Variants in PIK3C2A observed in about 807,000 individuals in gnomAD.
PIK3C2A encodes phosphatidylinositol 4-phosphate 3-kinase C2 domain-containing subunit alpha.
A neutral mutation model predicts 204.5 loss-of-function variants in PIK3C2A; 97 were observed. The observed-to-expected ratio is 0.47, with a 90% confidence interval of 0.40 to 0.56. The LOEUF is 0.56. Among genes scored for constraint, PIK3C2A ranks in the 20% least tolerant of loss-of-function variants. The pLI, the probability that PIK3C2A is intolerant of heterozygous loss-of-function variation, is 0.00. For missense variants in PIK3C2A, 1,735 were observed against 1,969.2 expected (o/e 0.88, Z 2.25); for synonymous variants, 653 against 664.4 (o/e 0.98, Z 0.26).
chr11:17,153,048 A>C (rs1250766044), intron 3 of PIK3C2A, among the ~76,000 whole-genome samples: 1 of 152,138 alleles, frequency 6.6e-6, no homozygotes, highest in Non-Finnish European at 1.5e-5. Context: ...AGCTATTCAG[A>C]AAGACAGGTG....
chr11:17,193,863 A>AGG lies in PIK3C2A; in HGVS notation c.-66+13984_-66+13985insCC, dbSNP rs1304719084. 1.2e-4 allele frequency: 11 copies of AGG among 88,386 alleles called. 4 individuals carry two copies. The highest frequency in any genetic ancestry group is 6.9e-4 in the African/African-American group (10 of 14,498). The allele number at this position is 88,386 out of a possible 1,614,324, so 5.5% of individuals were successfully genotyped here. On this transcript the variant is annotated intron_variant, in intron 1 of 32. Coordinates refer to ENST00000691414, the MANE Select transcript of PIK3C2A (RefSeq NM_002645.4). ...CTGTCTCAAAAAAAGAAAAGAAAAGAAAAGAAAAGAAAAGAAAAGAAAAGA... is the reference window on the plus strand; with the variant it reads ...CTGTCTCAAAAAAAGAAAAGAAAAGAGGAAAGAAAAGAAAAGAAAAGAAAAGA...
chr11:17,167,777 G>A (rs1320609889), intron 2 of PIK3C2A, among the ~76,000 whole-genome samples: 2 of 152,070 alleles, frequency 1.3e-5, no homozygotes, highest in Non-Finnish European at 1.5e-5. Context: ...ATTAATTCAC[G>A]TTAAAGTGAG....
chr11:17,137,059 C>G (rs1478655136), intron 8 of PIK3C2A, among the ~76,000 whole-genome samples: 1 of 152,056 alleles, frequency 6.6e-6, no homozygotes, highest in Non-Finnish European at 1.5e-5. Context: ...CAACATTTAC[C>G]GGAGAAGTAC....
intron 15 of PIK3C2A, among the ~76,000 whole-genome samples, chr11:17,121,184 C>G (rs1035439939): frequency 1.3e-4 from 20 of 152,162 alleles, no homozygotes; most frequent in African/African-American, 4.8e-4. Flanking sequence ...GTGATGAGAT[C>G]ATAGATCACT....
intron 2 of PIK3C2A, among the ~76,000 whole-genome samples, chr11:17,156,468 CTT>C (rs1382305609): frequency 6.6e-6 from 1 of 152,130 alleles, no homozygotes; most frequent in African/African-American, 2.4e-5. Flanking sequence ...CTCACTGCAG[CTT>C]TGACCTCCTG....
intron 13 of PIK3C2A, among the ~76,000 whole-genome samples, chr11:17,124,407 G>A (rs1430489345): frequency 1.3e-5 from 2 of 150,832 alleles, no homozygotes; most frequent in East Asian, 1.9e-4. Context: ...AAAACAGTTG[G>A]TTTGCTTAAA....
intron 1 of PIK3C2A, chr11:17,193,475 C>A: frequency 2.3e-6 from 1 of 434,006 alleles, no homozygotes; most frequent in South Asian, 1.6e-5. Context: ...GGAGCCATGG[C>A]TTAGGGTGCA....
chr11:17,165,782 GAAAAAAA>G (rs35384397), intron 2 of PIK3C2A, among the ~76,000 whole-genome samples: 1 of 78,854 alleles, frequency 1.3e-5, no homozygotes, highest in Admixed American at 1.4e-4. Context: ...TCAAAAAAGT[GAAAAAAA>G]AAAAAAAAAA....
At chr11:17,110,776 T>C (rs1848977858) in intron 21 of PIK3C2A, among the ~76,000 whole-genome samples, 1 of 152,092 alleles carries the variant, frequency 6.6e-6, no homozygotes, top group South Asian at 2.1e-4. Context: ...ACCTATAAAA[T>C]GAACTGCCTT....
Position 17,107,632 on chromosome 11 carries a change from CCTA to C in PIK3C2A, c.3545-2330_3545-2328del, listed in dbSNP as rs543842270. 7.0e-4 allele frequency among the ~76,000 whole-genome samples: 106 copies of C among 152,228 alleles called. 4 individuals carry two copies. The South Asian group carries it at 0.021, about 30-fold the overall frequency. ...ATTCTACTATATGCTATCTGGATAT[CCTA>C]CTATGTGCAAATATTATTTATACAA... On this transcript the variant is annotated intron_variant, in intron 22 of 32. Coordinates refer to ENST00000691414, the MANE Select transcript of PIK3C2A (RefSeq NM_002645.4).
At chr11:17,183,211 T>C (rs1851625639) in intron 1 of PIK3C2A, among the ~76,000 whole-genome samples, 1 of 152,222 alleles carries the variant, frequency 6.6e-6, no homozygotes, top group Admixed American at 6.5e-5. Context: ...TATCCACAGT[T>C]TCTCTTTCCA....
At chr11:17,160,146 T>C (rs214905) in intron 2 of PIK3C2A, among the ~76,000 whole-genome samples, 8,955 of 152,280 alleles carry the variant, frequency 0.059, 349 homozygotes, top group African/African-American at 0.1. Context: ...ATCTCGAGCA[T>C]AGACAGCCAA....
chr11:17,145,586 T>C, intron 8 of PIK3C2A, 82 bp downstream of exon 8: 1 of 791,538 alleles, frequency 1.3e-6, no homozygotes, highest in Non-Finnish European at 2.2e-6. Flanking sequence ...AAATATTTAA[T>C]CCAATGCCAA....
intron 1 of PIK3C2A, among the ~76,000 whole-genome samples, chr11:17,180,166 T>C (rs549911631): frequency 4.7e-4 from 72 of 152,126 alleles, no homozygotes; most frequent in African/African-American, 1.7e-3. Flanking sequence ...AAAATAAAAA[T>C]AACTGAACCA....
At chr11:17,139,314 G>A (rs1354216871) in intron 8 of PIK3C2A, among the ~76,000 whole-genome samples, 3 of 151,310 alleles carry the variant, frequency 2.0e-5, no homozygotes, top group Non-Finnish European at 2.9e-5. Context: ...TGCAACCTTC[G>A]CCTCCTGGGT....
intron 11 of PIK3C2A, among the ~76,000 whole-genome samples, chr11:17,133,229 G>A (rs559760321): frequency 6.6e-6 from 1 of 151,960 alleles, no homozygotes; most frequent in African/African-American, 2.4e-5. Context: ...CCTCATTAGT[G>A]TCCCTATGTA....
rs151278395 is a variant in PIK3C2A at position 17,089,912 on chromosome 11, G to A, written c.4887C>T (p.Tyr1629=). Residue 1629 remains tyrosine, a synonymous_variant, in exon 33 of 33, where the codon TAC becomes TAT. Transcript: ENST00000691414. ...RNPTFNEMLV[Y]SGYSKETLRQ... ...TTAGGGTTTCTTTGCTATATCCACT[G>A]TATACAAGCTACAACAAAGGAAAAA... is the stretch of plus-strand genomic sequence containing the variant. 6 of 1,584,574 alleles carry A rather than the reference G, an allele frequency of 3.8e-6. No homozygotes were observed. In the African/African-American group the frequency reaches 6.8e-5, roughly 18 times the overall value.
intron 13 of PIK3C2A, among the ~76,000 whole-genome samples, chr11:17,123,341 T>G (rs2137353062): frequency 6.6e-6 from 1 of 151,912 alleles, no homozygotes; most frequent in Non-Finnish European, 1.5e-5. Context: ...TTGACCTCCC[T>G]GGGCTCAGAT....
rs1851207349 is a variant in PIK3C2A, at chr11:17,172,441, TC to T, written c.-65-2636del. On this transcript the variant is annotated intron_variant, in intron 1 of 32. Transcript: ENST00000691414. ...ACCATCTTAGACCATCCATCCACACTCCAGATGACCACAACTCCATGAGTGA... is the reference window on the plus strand; with the variant it reads ...ACCATCTTAGACCATCCATCCACACTCAGATGACCACAACTCCATGAGTGA... Among the ~76,000 whole-genome samples, 9 of 152,160 alleles carry T rather than the reference TC, an allele frequency of 5.9e-5. No individual in the cohort carries two copies. The South Asian group carries it at 1.9e-3, about 32-fold the overall frequency.
Sources: allele counts gnomAD v4.1 joint callset (sites outside exome capture counted in the v4.1 genomes callset), GRCh38; gene constraint gnomAD v4.1.1; transcripts MANE v1.5; gene names NCBI Gene and HGNC (gene_info 2026-07-23, HGNC 2026-07-21).